CSMD1: variants seen among roughly 807,000 people sequenced by gnomAD.
The protein encoded by CSMD1 is CUB and sushi domain-containing protein 1.
CSMD1 carries 213 observed loss-of-function variants against 417.5 expected under a neutral mutation model. The observed-to-expected ratio is 0.51, with a 90% confidence interval of 0.46 to 0.57. CSMD1 has a LOEUF of 0.57. Among genes scored for constraint, CSMD1 ranks in the 20% least tolerant of loss-of-function variants. The pLI, the probability that CSMD1 is intolerant of heterozygous loss-of-function variation, is 0.00. For missense variants in CSMD1, 6,923 were observed against 4,529.7 expected (o/e 1.53, Z -15.17); for synonymous variants, 2,862 against 1,736.8 (o/e 1.65, Z -16.11).
chr8:4,906,342 A>G (rs182632780), intron 1 of CSMD1, among the ~76,000 whole-genome samples: 56 of 152,328 alleles, frequency 3.7e-4, no homozygotes, highest in African/African-American at 1.3e-3. Context: ...TTCCTTTAAA[A>G]CACATTCTTG....
intron 3 of CSMD1, among the ~76,000 whole-genome samples, chr8:4,275,862 C>G (rs112780794): frequency 0.012 from 1,793 of 152,226 alleles, 23 homozygotes; most frequent in African/African-American, 0.041. Flanking sequence ...TTCCACAAGG[C>G]ATGAATTATA....
intron 5 of CSMD1, among the ~76,000 whole-genome samples, chr8:3,807,311 G>C (rs1325236060): frequency 6.6e-6 from 1 of 152,102 alleles, no homozygotes; most frequent in African/African-American, 2.4e-5. Context: ...ATAAAATACA[G>C]TATCTGGTTT....
At chr8:3,845,137 T>A (rs1026705907) in intron 5 of CSMD1, among the ~76,000 whole-genome samples, 3 of 152,198 alleles carry the variant, frequency 2.0e-5, no homozygotes, top group Non-Finnish European at 4.4e-5. Flanking sequence ...TCTGTAGACA[T>A]TGAATTGAAG....
chr8:4,560,797 C>T (rs897102809), intron 2 of CSMD1, among the ~76,000 whole-genome samples: 3 of 152,238 alleles, frequency 2.0e-5, no homozygotes, highest in African/African-American at 7.2e-5. Context: ...CTGAAGACTT[C>T]CTAATGATTC....
At position 3,396,132 on chromosome 8, in the gene CSMD1, C is replaced by A. The variant is rs559256913; in HGVS notation, c.2593+62G>T. 194 of 1,416,898 alleles carry A rather than the reference C, an allele frequency of 1.4e-4. 3 individuals carry two copies. The South Asian group carries it at 2.3e-3, about 17-fold the overall frequency. 87.8% of individuals were successfully genotyped at this position (1,416,898 alleles called of 1,614,324 possible). ...CATCTGCAGGCTGGAAATAAGAACC[C>A]AGATCTTTAGTTCTCCCATGCATGC... On this transcript the variant is annotated intron_variant, in intron 17 of 69. Transcript: ENST00000635120.
chr8:4,614,669 G>T (rs1393852518), intron 2 of CSMD1, among the ~76,000 whole-genome samples: 1 of 151,564 alleles, frequency 6.6e-6, no homozygotes, highest in Non-Finnish European at 1.5e-5. Flanking sequence ...ACACACAAAC[G>T]CACACACACT....
intron 18 of CSMD1, among the ~76,000 whole-genome samples, chr8:3,377,048 G>C (rs1810351124): frequency 6.6e-6 from 1 of 152,112 alleles, no homozygotes. Flanking sequence ...TTGCTCTATT[G>C]TCCAGGCTGT....
At chr8:4,264,961 A>C (rs891796450) in intron 3 of CSMD1, among the ~76,000 whole-genome samples, 3 of 152,198 alleles carry the variant, frequency 2.0e-5, no homozygotes, top group Non-Finnish European at 4.4e-5. Context: ...GAACAGGATA[A>C]AATATGCAGC....
intron 5 of CSMD1, among the ~76,000 whole-genome samples, chr8:3,784,989 A>T (rs1799373776): frequency 6.6e-6 from 1 of 152,198 alleles, no homozygotes; most frequent in Admixed American, 6.5e-5. Context: ...AATGTCTCTC[A>T]TGTCAGATTC....
chr8:4,752,779 C>G (rs1039339086), intron 1 of CSMD1, among the ~76,000 whole-genome samples: 1 of 152,086 alleles, frequency 6.6e-6, no homozygotes, highest in Admixed American at 6.5e-5. Context: ...GTATTGCAGA[C>G]TAAACAGGAG....
chr8:3,027,240 T>C (rs1466669662), intron 51 of CSMD1, among the ~76,000 whole-genome samples: 1 of 152,164 alleles, frequency 6.6e-6, no homozygotes, highest in African/African-American at 2.4e-5. Context: ...AGTAACAATA[T>C]ACTCCATGTC....
At chr8:4,807,013 T>C (rs1798627633) in intron 1 of CSMD1, among the ~76,000 whole-genome samples, 2 of 152,228 alleles carry the variant, frequency 1.3e-5, no homozygotes, top group Admixed American at 1.3e-4. Context: ...TCAAATGTTA[T>C]CTGGACTACC....
intron 11 of CSMD1, among the ~76,000 whole-genome samples, chr8:3,476,539 T>G (rs139779147): frequency 1.3e-5 from 2 of 152,280 alleles, no homozygotes; most frequent in African/African-American, 4.8e-5. Flanking sequence ...CGGTACCACT[T>G]GGCTTTTCCG....
At chr8:3,761,500 A>ATTTTTTT (rs57655479) in intron 5 of CSMD1, among the ~76,000 whole-genome samples, 49 of 93,384 alleles carry the variant, frequency 5.2e-4, no homozygotes, top group South Asian at 9.1e-4. Flanking sequence ...CAAAACGACC[A>ATTTTTTT]TTTTTTTTTT....
intron 30 of CSMD1, among the ~76,000 whole-genome samples, chr8:3,211,989 G>T (rs1291488099): frequency 6.6e-6 from 1 of 152,152 alleles, no homozygotes; most frequent in African/African-American, 2.4e-5. Flanking sequence ...ACTTCCAGCT[G>T]CCTCGTGCCC....
At chr8:3,543,303 TTA>T (rs1798521655) in intron 10 of CSMD1, among the ~76,000 whole-genome samples, 2 of 152,106 alleles carry the variant, frequency 1.3e-5, no homozygotes, top group Non-Finnish European at 2.9e-5. Flanking sequence ...TTAGAATAAT[TTA>T]TGTTTTTAGG....
At chr8:4,423,268 TTAC>T (rs1334086292) in intron 2 of CSMD1, among the ~76,000 whole-genome samples, 2 of 151,974 alleles carry the variant, frequency 1.3e-5, no homozygotes, top group African/African-American at 4.8e-5. Context: ...ATAAATAAAA[TTAC>T]TACTATTTGA....
intron 7 of CSMD1, among the ~76,000 whole-genome samples, chr8:3,649,289 AG>A (rs1292276303): frequency 6.6e-6 from 1 of 152,234 alleles, no homozygotes; most frequent in Non-Finnish European, 1.5e-5. Context: ...GTGAGAACCA[AG>A]AAAAAAACAT....
At chr8:3,302,729 A>G (rs895559166) in intron 25 of CSMD1, among the ~76,000 whole-genome samples, 22 of 152,228 alleles carry the variant, frequency 1.4e-4, no homozygotes, top group African/African-American at 4.8e-4. Context: ...CTCGTTATCC[A>G]TATAGTGATG....
Sources: allele counts gnomAD v4.1 joint callset (sites outside exome capture counted in the v4.1 genomes callset), GRCh38; gene constraint gnomAD v4.1.1; transcripts MANE v1.5; gene names NCBI Gene and HGNC (gene_info 2026-07-23, HGNC 2026-07-21).